Variants in DACH1 observed in about 807,000 individuals in gnomAD.
DACH1 encodes dachshund family transcription factor 1.
A neutral mutation model predicts 54.2 loss-of-function variants in DACH1; 12 were observed. The ratio of observed to expected loss-of-function variants is 0.22; its 90% CI spans 0.14 to 0.36. The LOEUF is 0.36. Among genes scored for constraint, DACH1 ranks in the 10% least tolerant of loss-of-function variants. The pLI is 1.00. For missense variants in DACH1, 805 were observed against 929.8 expected (o/e 0.87, Z 1.75); for synonymous variants, 386 against 366.2 (o/e 1.05, Z -0.62).
rs780721924 is a variant in DACH1, at chr13:71,863,830, G to A, written c.848+2092C>T. Among the ~76,000 whole-genome samples, 3 of 148,728 alleles carry A rather than the reference G, an allele frequency of 2.0e-5. No homozygotes were observed. The Admixed American group carries it at 2.1e-4, about 10-fold the overall frequency. ...ATGGCCTTTAATTATCTAGTATCTA[G>A]TGTGCTGTAAGAAACACATAAAGAG... On this transcript the variant is annotated intron_variant, in intron 1 of 10. Coordinates refer to ENST00000613252, the MANE Select transcript of DACH1 (RefSeq NM_080759.6).
At chr13:71,481,166 A>T (rs1196742647) in intron 7 of DACH1, among the ~76,000 whole-genome samples, 1 of 152,168 alleles carries the variant, frequency 6.6e-6, no homozygotes, top group Non-Finnish European at 1.5e-5. Context: ...TTCTGCTCTG[A>T]TTGCTCTTGT....
chr13:71,462,373 C>T (rs1416150394), intron 10 of DACH1, among the ~76,000 whole-genome samples: 9 of 151,662 alleles, frequency 5.9e-5, no homozygotes, highest in Non-Finnish European at 1.0e-4. Context: ...AAATAAAACT[C>T]CTTGTGCTAT....
chr13:71,799,719 A>C (rs1887212396), intron 1 of DACH1, among the ~76,000 whole-genome samples: 1 of 152,116 alleles, frequency 6.6e-6, no homozygotes, highest in South Asian at 2.1e-4. Flanking sequence ...AAATTGCCAA[A>C]ATTTGAAGCT....
At chr13:71,501,704 G>C (rs1365924990) in intron 6 of DACH1, among the ~76,000 whole-genome samples, 4 of 152,142 alleles carry the variant, frequency 2.6e-5, no homozygotes, top group Non-Finnish European at 4.4e-5. Context: ...ACTCAGTAAA[G>C]ATTCTATTAA....
intron 1 of DACH1, among the ~76,000 whole-genome samples, chr13:71,706,735 G>C (rs1882468965): frequency 1.3e-5 from 2 of 151,596 alleles, no homozygotes; most frequent in African/African-American, 4.9e-5. Context: ...ATTCTTATTT[G>C]AAGTATTATA....
intron 6 of DACH1, among the ~76,000 whole-genome samples, chr13:71,526,445 A>G (rs1453673593): frequency 6.6e-6 from 1 of 152,074 alleles, no homozygotes; most frequent in Non-Finnish European, 1.5e-5. Flanking sequence ...GAAAAGTCAT[A>G]AAGGATTCTG....
chr13:71,785,246 G>A lies in DACH1; in HGVS notation c.848+80676C>T, dbSNP rs554450303. Among the ~76,000 whole-genome samples the A allele has an allele frequency of 7.9e-5, 12 of 151,994 alleles. No individual in the cohort carries two copies. The South Asian group carries it at 1.0e-3, about 13-fold the overall frequency. On this transcript the variant is annotated intron_variant, in intron 1 of 10. Transcript: ENST00000613252. ...ATCTGCTTCAATTTCTTTTTATTTCGCACTAATTAGGAAGAACAAAGTTAC... is the reference window on the plus strand; with the variant it reads ...ATCTGCTTCAATTTCTTTTTATTTCACACTAATTAGGAAGAACAAAGTTAC...
chr13:71,810,188 A>G (rs1374511503), intron 1 of DACH1, among the ~76,000 whole-genome samples: 1 of 152,180 alleles, frequency 6.6e-6, no homozygotes, highest in Non-Finnish European at 1.5e-5. Flanking sequence ...TAGATAATTC[A>G]GTTTTTATCT....
intron 1 of DACH1, among the ~76,000 whole-genome samples, chr13:71,718,285 A>T (rs1462501797): frequency 6.8e-6 from 1 of 147,704 alleles, no homozygotes; most frequent in Non-Finnish European, 1.5e-5. Flanking sequence ...AGTTAGACTT[A>T]AAAAAAAGCT....
chr13:71,688,535 T>C (rs1047619129), intron 1 of DACH1, among the ~76,000 whole-genome samples: 35 of 152,348 alleles, frequency 2.3e-4, no homozygotes, highest in Non-Finnish European at 4.7e-4. Context: ...CACATTTGTT[T>C]GGACTTTTAG....
chr13:71,752,772 C>A (rs561219311), intron 1 of DACH1, among the ~76,000 whole-genome samples: 53 of 152,232 alleles, frequency 3.5e-4, no homozygotes, highest in Non-Finnish European at 5.9e-5. Flanking sequence ...TTGACAGTAT[C>A]TTTTTATATT....
In DACH1 at chr13:71,866,386, G is replaced by T. The variant is rs570761836; in HGVS notation, c.384C>A (p.Val128=). ...GGGGISAGGG[V]ASSTPINAST... ...TGGCGTTGATGGGGGTGCTGGAAGC[G>T]ACGCCGCCGCCAGCGCTGATGCCGC... The change falls in exon 1 of 11, where the codon GTC becomes GTA. Residue 128 remains valine (V), a synonymous_variant. Transcript: ENST00000613252. 6.7e-7 allele frequency: 1 copy of T among 1,495,268 alleles called. No homozygotes were observed. Among genetic ancestry groups the T allele is most frequent in the East Asian group, 2.6e-5 (1 of 38,146 alleles). 92.6% of individuals were successfully genotyped at this position (1,495,268 alleles called of 1,614,324 possible).
chr13:71,669,271 G>C (rs1344587399), intron 2 of DACH1, among the ~76,000 whole-genome samples: 2 of 152,100 alleles, frequency 1.3e-5, no homozygotes, highest in Admixed American at 6.5e-5. Context: ...ATCTTCATCT[G>C]TATTTGAAGC....
chr13:71,828,361 A>C (rs1467873739), intron 1 of DACH1, among the ~76,000 whole-genome samples: 1 of 152,002 alleles, frequency 6.6e-6, no homozygotes, highest in Non-Finnish European at 1.5e-5. Flanking sequence ...TCCACAGCTT[A>C]CTGTTCCTGA....
intron 10 of DACH1, among the ~76,000 whole-genome samples, chr13:71,456,210 A>T (rs1312537383): frequency 6.6e-6 from 1 of 152,104 alleles, no homozygotes; most frequent in Non-Finnish European, 1.5e-5. Flanking sequence ...TCAAAAAATA[A>T]ACACAAAAAC....
At chr13:71,448,317 G>T (rs978973822) in intron 10 of DACH1, among the ~76,000 whole-genome samples, 3 of 152,146 alleles carry the variant, frequency 2.0e-5, no homozygotes, top group Non-Finnish European at 2.9e-5. Flanking sequence ...TATAGTAGCC[G>T]TGTGTGTCTC....
chr13:71,506,426 G>A (rs564474758), intron 6 of DACH1, among the ~76,000 whole-genome samples: 1 of 151,426 alleles, frequency 6.6e-6, no homozygotes, highest in Admixed American at 6.6e-5. Flanking sequence ...TGAGAATGAT[G>A]ATTTCCAATT....
At chr13:71,551,003 T>C (rs1217663758) in intron 6 of DACH1, among the ~76,000 whole-genome samples, 1 of 152,040 alleles carries the variant, frequency 6.6e-6, no homozygotes, top group African/African-American at 2.4e-5. Flanking sequence ...TATCAAAATA[T>C]AGAAAATTTT....
At chr13:71,779,262 T>TACACATATATACGTATATAC (rs1566495192) in intron 1 of DACH1, among the ~76,000 whole-genome samples, 1 of 66,624 alleles carries the variant, frequency 1.5e-5, no homozygotes, top group African/African-American at 9.0e-5. Context: ...TACGTATATA[T>TACACATATATACGTATATAC]GTGTATATAT....
Sources: gnomAD v4.1 joint callset for allele counts (sites outside exome capture counted in the v4.1 genomes callset) on GRCh38, gnomAD v4.1.1 for gene constraint, MANE v1.5 for transcripts, NCBI Gene and HGNC (gene_info 2026-07-23, HGNC 2026-07-21) for gene names.